WDFY1: variants seen among roughly 807,000 people sequenced by gnomAD.
WDFY1 encodes WD repeat and FYVE domain-containing protein 1.
In WDFY1, 32 loss-of-function variants were observed where a neutral mutation model predicts 56.4. The ratio of observed to expected loss-of-function variants is 0.57; its 90% CI spans 0.43 to 0.76. WDFY1 has a LOEUF of 0.76. Among genes scored for constraint, WDFY1 ranks in the 30% least tolerant of loss-of-function variants. WDFY1 has a pLI of 0.00. For missense variants in WDFY1, 480 were observed against 545.7 expected (o/e 0.88, Z 1.20); for synonymous variants, 192 against 197.3 (o/e 0.97, Z 0.23).
chr2:223,912,350 T>C (rs1693718758), intron 2 of WDFY1, 24 bp from the exon 3 acceptor site: 1 of 1,585,896 alleles, frequency 6.3e-7, no homozygotes, highest in Admixed American at 1.9e-5. Context: ...AAAGACCACA[T>C]TACCAGCAAA....
At chr2:223,924,832 C>G (rs1693951633) in intron 1 of WDFY1, among the ~76,000 whole-genome samples, 1 of 152,076 alleles carries the variant, frequency 6.6e-6, no homozygotes, top group South Asian at 2.1e-4. Flanking sequence ...AAAACAATAA[C>G]AAAATGCCAC....
Position 223,884,864 on chromosome 2 carries a change from T to C in WDFY1, c.832-115A>G, listed in dbSNP as rs80216927. ...AGGTTAGTATTTCTTTTCTTCTTTT[T>C]TTTTTTTTTTTGGTCTCCCAGGCTG... On this transcript the variant is annotated intron_variant, in intron 8 of 11. Coordinates refer to ENST00000233055, the MANE Select transcript of WDFY1 (RefSeq NM_020830.5). 1,029 of 884,616 alleles carry C rather than the reference T, an allele frequency of 1.2e-3. 10 individuals carry two copies. The highest frequency in any genetic ancestry group is 1.4e-3 in the South Asian group (76 of 55,772). 54.8% of individuals were successfully genotyped at this position (884,616 alleles called of 1,614,324 possible).
Position 223,880,038 on chromosome 2 carries a change from C to A in WDFY1, c.1173+86G>T, listed in dbSNP as rs144658862. On this transcript the variant is annotated intron_variant, in intron 11 of 11. Coordinates refer to ENST00000233055, the MANE Select transcript of WDFY1 (RefSeq NM_020830.5). ...TCATTTGCTTATAAAGCTTGCCAGT[C>A]AGAAAGAGTGACTGTCTCCTGCACA... The A allele has an allele frequency of 3.7e-4, 429 of 1,174,768 alleles. 2 individuals carry two copies. In the African/African-American group the frequency reaches 4.9e-3, roughly 13 times the overall value. The allele number at this position is 1,174,768 out of a possible 1,614,324, so 72.8% of individuals were successfully genotyped here.
chr2:223,940,286 T>C (rs1689278446), intron 1 of WDFY1, among the ~76,000 whole-genome samples: 1 of 152,090 alleles, frequency 6.6e-6, no homozygotes, highest in South Asian at 2.1e-4. Flanking sequence ...GCCACTGTGA[T>C]GCATGCAGTA....
chr2:223,943,025 A>G (rs1689339424), intron 1 of WDFY1, among the ~76,000 whole-genome samples: 1 of 150,978 alleles, frequency 6.6e-6, no homozygotes, highest in Non-Finnish European at 1.5e-5. Flanking sequence ...TACTAAAAAT[A>G]GAAAAATTAG....
In WDFY1 at chr2:223,895,493, T is replaced by A. The variant is rs770902119; in HGVS notation, c.725+11A>T. ...CGGATTCTTTCCCCACCCCCACAAGTGGTCACGCACTGATGGCCCTGAAGT... is the reference window on the plus strand; with the variant it reads ...CGGATTCTTTCCCCACCCCCACAAGAGGTCACGCACTGATGGCCCTGAAGT... On this transcript the variant is annotated intron_variant, in intron 7 of 11. Transcript: ENST00000233055. 6.2e-7 allele frequency: 1 copy of A among 1,613,774 alleles called. No individual in the cohort carries two copies. The highest frequency in any genetic ancestry group is 8.5e-7 in the Non-Finnish European group (1 of 1,179,796).
intron 1 of WDFY1, among the ~76,000 whole-genome samples, chr2:223,943,872 A>G (rs1050694795): frequency 2.0e-5 from 3 of 152,202 alleles, no homozygotes; most frequent in African/African-American, 4.8e-5. Context: ...GCTTCCTCTT[A>G]GGAGAAATGA....
chr2:223,926,206 G>A (rs1187617091), intron 1 of WDFY1, among the ~76,000 whole-genome samples: 2 of 152,152 alleles, frequency 1.3e-5, no homozygotes, highest in Non-Finnish European at 2.9e-5. Flanking sequence ...GAGTGCAGTA[G>A]CACAATCAAG....
At position 223,881,981 on chromosome 2, in the gene WDFY1, C is replaced by T. The variant is rs1258150482; in HGVS notation, c.1025G>A (p.Arg342Gln). ...GGAGTCGTAACAAGAATCACAAACC[C>T]GGACTTGGAACTCGAAGCCCATGAC... ...YPVMGFEFQV[R>Q]VCDSCYDSIK... Residue 342 changes from arginine to glutamine, a missense_variant, in exon 10 of 12, where the codon CGG (arginine) becomes CAG (glutamine). Arg to Gln is a conservative substitution (Grantham distance 43, BLOSUM62 1). Transcript: ENST00000233055. The T allele has an allele frequency of 4.3e-6, 7 of 1,613,868 alleles. No homozygotes were observed. The highest frequency in any genetic ancestry group is 1.7e-5 in the Admixed American group (1 of 59,994).
At chr2:223,900,141 A>AT (rs1693480168) in intron 5 of WDFY1, among the ~76,000 whole-genome samples, 1 of 152,244 alleles carries the variant, frequency 6.6e-6, no homozygotes, top group Non-Finnish European at 1.5e-5. Flanking sequence ...TTACAGTAGG[A>AT]TAACTATCAC....
intron 1 of WDFY1, among the ~76,000 whole-genome samples, chr2:223,918,346 C>T (rs1185991643): frequency 6.6e-6 from 1 of 152,086 alleles, no homozygotes; most frequent in East Asian, 1.9e-4. Context: ...TGAAAATGTT[C>T]GGCCAGGCGC....
At chr2:223,927,641 T>C (rs192477767) in intron 1 of WDFY1, among the ~76,000 whole-genome samples, 274 of 152,366 alleles carry the variant, frequency 1.8e-3, no homozygotes, top group African/African-American at 6.3e-3. Flanking sequence ...AAGGCTGTTT[T>C]GCTTTCTTAT....
At chr2:223,943,691 C>T (rs1297562650) in intron 1 of WDFY1, among the ~76,000 whole-genome samples, 1 of 152,226 alleles carries the variant, frequency 6.6e-6, no homozygotes, top group Non-Finnish European at 1.5e-5. Flanking sequence ...CGGAAAGCTA[C>T]TGACATTGTA....
intron 1 of WDFY1, among the ~76,000 whole-genome samples, chr2:223,928,907 G>T (rs1169296909): frequency 6.6e-6 from 1 of 152,160 alleles, no homozygotes; most frequent in African/African-American, 2.4e-5. Context: ...TGCAGGGGGG[G>T]TGAGAGAGCC....
rs867526077 is a variant in WDFY1, at chr2:223,877,833, C to T, written c.*838G>A. On this transcript the variant is annotated 3_prime_UTR_variant, in exon 12 of 12. Transcript: ENST00000233055. ...GTTTCAGGCAACAGACTGATCATTTCGCATCACAGTGGTGGCTGGGTTTTC... is the reference window on the plus strand; with the variant it reads ...GTTTCAGGCAACAGACTGATCATTTTGCATCACAGTGGTGGCTGGGTTTTC... 6.6e-6 allele frequency: 1 copy of T among 152,554 alleles called. No homozygotes were observed. The highest frequency in any genetic ancestry group is 1.5e-5 in the Non-Finnish European group (1 of 68,048). The allele number at this position is 152,554 out of a possible 1,614,324, so 9.5% of individuals were successfully genotyped here. A position where few individuals can be genotyped will look rare whatever the true frequency, so the allele number is the denominator to read the frequency against.
chr2:223,920,431 A>G (rs1013408591), intron 1 of WDFY1, among the ~76,000 whole-genome samples: 1 of 152,262 alleles, frequency 6.6e-6, no homozygotes, highest in Admixed American at 6.5e-5. Context: ...GGAAATATTA[A>G]TAACATGTGC....
In WDFY1 at chr2:223,905,366, T is replaced by C. The variant is rs192929376; in HGVS notation, c.334+581A>G. Among the ~76,000 whole-genome samples the C allele has an allele frequency of 7.6e-4, 116 of 152,332 alleles. 1 individual carries two copies. The highest frequency in any genetic ancestry group is 1.6e-3 in the Admixed American group (25 of 15,300). On this transcript the variant is annotated intron_variant, in intron 4 of 11. Transcript: ENST00000233055. ...GATTTGTCTTAAATAATCGGAATTATAGAATTTGGACAGGTGTGGTGGTTC... is the reference window on the plus strand; with the variant it reads ...GATTTGTCTTAAATAATCGGAATTACAGAATTTGGACAGGTGTGGTGGTTC...
Position 223,904,227 on chromosome 2 carries a change from T to C in WDFY1, c.334+1720A>G, listed in dbSNP as rs530525861. ...ACTCCAAGGACAAATGTATGGTCAT[T>C]GTTATATCACTTTTCTCCTATTTTA... On this transcript the variant is annotated intron_variant, in intron 4 of 11. Transcript: ENST00000233055. Among the ~76,000 whole-genome samples the C allele has an allele frequency of 9.2e-5, 14 of 152,276 alleles. No individual in the cohort carries two copies. In the East Asian group the frequency reaches 2.7e-3, roughly 29 times the overall value.
At chr2:223,945,047 G>T in intron 1 of WDFY1, 101 bp downstream of exon 1, 1 of 1,359,308 alleles carries the variant, frequency 7.4e-7, no homozygotes, top group Non-Finnish European at 9.7e-7. Flanking sequence ...GTGCTGCCGG[G>T]GGAGCCCCCT....
Sources: gnomAD v4.1 joint callset for allele counts (sites outside exome capture counted in the v4.1 genomes callset) on GRCh38, gnomAD v4.1.1 for gene constraint, MANE v1.5 for transcripts, NCBI Gene and HGNC (gene_info 2026-07-23, HGNC 2026-07-21) for gene names.